The following TAB2 variants were observed in gnomAD, a reference collection of about 807,000 sequenced individuals.
TAB2 encodes TGF-beta activated kinase 1 (MAP3K7) binding protein 2.
TAB2 carries 3 observed loss-of-function variants against 65.0 expected under a neutral mutation model. The observed-to-expected ratio is 0.05, with a 90% CI of 0.02 to 0.12. TAB2 has a LOEUF of 0.12. Among genes scored for constraint, TAB2 ranks in the 10% least tolerant of loss-of-function variants. The probability of loss-of-function intolerance (pLI) is 1.00; values close to 1 mark genes in which losing one functional copy is unlikely to be tolerated. For synonymous variants in TAB2, 298 were observed against 285.1 expected (o/e 1.05, Z -0.46); for missense variants, 623 against 840.3 (o/e 0.74, Z 3.20).
At chr6:149,269,387 T>C (rs537923037) in intron 1 of TAB2, among the ~76,000 whole-genome samples, 1 of 152,324 alleles carries the variant, frequency 6.6e-6, no homozygotes, top group South Asian at 2.1e-4. Context: ...TGAATACTTT[T>C]ATTAAAAATT....
At chr6:149,398,675 T>C (rs568251310) in intron 5 of TAB2, among the ~76,000 whole-genome samples, 1 of 152,316 alleles carries the variant, frequency 6.6e-6, no homozygotes, top group South Asian at 2.1e-4. Flanking sequence ...CTTACTCTTT[T>C]TGTGTAAAAT....
intron 1 of TAB2, chr6:149,318,831 T>C (rs1050232168): frequency 2.0e-5 from 3 of 152,264 alleles, no homozygotes; most frequent in African/African-American, 7.2e-5. Flanking sequence ...ATATATAGTA[T>C]ATTTGAGATG....
intron 1 of TAB2, among the ~76,000 whole-genome samples, chr6:149,298,789 C>T (rs914421708): frequency 9.9e-5 from 15 of 152,110 alleles, no homozygotes; most frequent in East Asian, 3.8e-4. Context: ...CACATGCACA[C>T]GCACAAAGAA....
intron 3 of TAB2, among the ~76,000 whole-genome samples, chr6:149,386,031 A>G (rs546762090): frequency 6.6e-6 from 1 of 152,076 alleles, no homozygotes; most frequent in East Asian, 1.9e-4. Context: ...TTCCCATTAT[A>G]TTCCCCTTCC....
intron 6 of TAB2, among the ~76,000 whole-genome samples, chr6:149,403,861 A>G (rs894927179): frequency 1.3e-5 from 2 of 152,104 alleles, no homozygotes. Context: ...GCACCAAGGT[A>G]TTCATGAAGG....
intron 1 of TAB2, among the ~76,000 whole-genome samples, chr6:149,326,999 G>A (rs1481152180): frequency 6.6e-6 from 1 of 152,082 alleles, no homozygotes; most frequent in Non-Finnish European, 1.5e-5. Context: ...CTTTTTTGTA[G>A]TTTGCAAGAG....
intron 1 of TAB2, among the ~76,000 whole-genome samples, chr6:149,360,956 C>T (rs576638033): frequency 5.9e-5 from 9 of 152,334 alleles, no homozygotes; most frequent in Non-Finnish European, 8.8e-5. Context: ...TCTCCTTTGA[C>T]TCCATGTCCC....
chr6:149,232,910 G>A (rs551126673), intron 1 of TAB2, among the ~76,000 whole-genome samples: 1 of 152,196 alleles, frequency 6.6e-6, no homozygotes, highest in Admixed American at 6.5e-5. Context: ...CCATCCTGAG[G>A]GATGCTGCTG....
intron 1 of TAB2, among the ~76,000 whole-genome samples, chr6:149,242,050 C>A (rs1777609227): frequency 6.6e-6 from 1 of 152,136 alleles, no homozygotes; most frequent in South Asian, 2.1e-4. Context: ...CATTGGGCTC[C>A]AGCTTCCCAT....
At position 149,356,502 on chromosome 6, in the gene TAB2, A is replaced by C. The variant is rs570663866; in HGVS notation, c.-89-13407A>C. On this transcript the variant is annotated intron_variant, in intron 1 of 6. Transcript: ENST00000637181. Reference sequence around the variant, plus strand: ...AAGTCCAAGATCAAGGCACCAGCAGACTGAATGTCTGGTGAATTCCCACTC... The same window carrying C: ...AAGTCCAAGATCAAGGCACCAGCAGCCTGAATGTCTGGTGAATTCCCACTC... 4.6e-5 allele frequency among the ~76,000 whole-genome samples: 7 copies of C among 152,328 alleles called. No individual in the cohort carries two copies. The East Asian group carries it at 1.3e-3, about 29-fold the overall frequency.
intron 6 of TAB2, among the ~76,000 whole-genome samples, chr6:149,404,941 A>G (rs1782613254): frequency 6.6e-6 from 1 of 152,340 alleles, no homozygotes; most frequent in Non-Finnish European, 1.5e-5. Context: ...AAATGCATCT[A>G]CACGGCAAAG....
At chr6:149,319,165 G>C (rs1779355958) in intron 1 of TAB2, among the ~76,000 whole-genome samples, 1 of 152,194 alleles carries the variant, frequency 6.6e-6, no homozygotes, top group Non-Finnish European at 1.5e-5. Flanking sequence ...TTCCGCTTTA[G>C]CATACTCTAA....
At chr6:149,251,376 T>C (rs1026350932) in intron 1 of TAB2, among the ~76,000 whole-genome samples, 2 of 152,180 alleles carry the variant, frequency 1.3e-5, no homozygotes, top group Admixed American at 6.5e-5. Flanking sequence ...CATCACCCCA[T>C]ATGACCCGGC....
intron 1 of TAB2, among the ~76,000 whole-genome samples, chr6:149,234,864 G>GGAAAA (rs1275248223): frequency 6.3e-5 from 6 of 95,488 alleles, no homozygotes; most frequent in African/African-American, 1.9e-4. Context: ...TAGAGAGTGT[G>GGAAAA]AAAAAAAAAA....
rs1782809427 is a variant in TAB2, at chr6:149,410,369, G to A, written c.*650G>A. On this transcript the variant is annotated 3_prime_UTR_variant, in exon 7 of 7. Transcript: ENST00000637181. ...GCTTTTCCTACTGTACAGATCTCTC[G>A]AGTCTGCTTTAAGTGATTTCTTTTC... 6.5e-6 allele frequency: 1 copy of A among 153,014 alleles called. No homozygotes were observed. The allele number at this position is 153,014 out of a possible 1,614,324, so 9.5% of individuals were successfully genotyped here. A position where few individuals can be genotyped will look rare whatever the true frequency, so the allele number is the denominator to read the frequency against.
chr6:149,324,727 G>C (rs935587382), intron 1 of TAB2, among the ~76,000 whole-genome samples: 1 of 151,740 alleles, frequency 6.6e-6, no homozygotes, highest in East Asian at 1.9e-4. Flanking sequence ...AGCAACTTTT[G>C]TTTAGTCAGA....
intron 1 of TAB2, among the ~76,000 whole-genome samples, chr6:149,264,970 A>G (rs974800644): frequency 3.3e-5 from 5 of 152,178 alleles, no homozygotes; most frequent in African/African-American, 1.2e-4. Flanking sequence ...ATTTGGTCCT[A>G]TTCTGCTGTT....
At chr6:149,308,943 A>C (rs1779118589) in intron 1 of TAB2, among the ~76,000 whole-genome samples, 1 of 152,176 alleles carries the variant, frequency 6.6e-6, no homozygotes, top group Non-Finnish European at 1.5e-5. Flanking sequence ...TATAAGTTCC[A>C]TGAGGGCCAG....
Position 149,368,080 on chromosome 6 carries a change from A to C in TAB2, c.-89-1829A>C, listed in dbSNP as rs376086470. Among the ~76,000 whole-genome samples, 60 of 152,292 alleles carry C rather than the reference A, an allele frequency of 3.9e-4. No individual in the cohort carries two copies. The South Asian group carries it at 0.011, about 29-fold the overall frequency. On this transcript the variant is annotated intron_variant, in intron 1 of 6. Transcript: ENST00000637181. Reference sequence around the variant, plus strand: ...TGAATGTAGATATAGTTGAAAGGAAACCATAGATCTGAACTCTACCAGCCA... The same window carrying C: ...TGAATGTAGATATAGTTGAAAGGAACCCATAGATCTGAACTCTACCAGCCA...
Sources: gnomAD v4.1 joint callset for allele counts (sites outside exome capture counted in the v4.1 genomes callset) on GRCh38, gnomAD v4.1.1 for gene constraint, MANE v1.5 for transcripts, NCBI Gene and HGNC (gene_info 2026-07-23, HGNC 2026-07-21) for gene names.